Variants in NUP210L observed in about 807,000 individuals in gnomAD.
NUP210L encodes nucleoporin 210 like, also known as nuclear pore membrane glycoprotein 210-like.
In NUP210L, 74 loss-of-function variants were observed where a neutral mutation model predicts 208.5. The observed-to-expected ratio is 0.35, with a 90% CI of 0.29 to 0.43. The LOEUF is 0.43. NUP210L is among the 20% of genes least tolerant of loss of function. The pLI is 1.00. For synonymous variants in NUP210L, 780 were observed against 816.9 expected, an observed-to-expected ratio of 0.95 and a Z score of 0.77; for missense variants, 1,843 against 2,289.4, an observed-to-expected ratio of 0.81 and a Z score of 3.98.
intron 12 of NUP210L, among the ~76,000 whole-genome samples, chr1:154,107,702 C>G (rs1656839261): frequency 6.6e-6 from 1 of 151,890 alleles, no homozygotes; most frequent in Admixed American, 6.6e-5. Context: ...CCTGTCTCTA[C>G]TAAAAATAGA....
intron 15 of NUP210L, 77 bp downstream of exon 15, chr1:154,094,858 T>C: frequency 9.4e-7 from 1 of 1,064,202 alleles, no homozygotes; most frequent in East Asian, 2.5e-5. Flanking sequence ...CAGCAGAATC[T>C]GAAAAGGAAT....
chr1:154,060,563 T>C lies in NUP210L; in HGVS notation c.2827A>G (p.Met943Val), dbSNP rs368673993. The C allele has an allele frequency of 4.3e-6, 7 of 1,612,644 alleles. No homozygotes were observed. The East Asian group carries it at 1.3e-4, about 31-fold the overall frequency. The change falls in exon 20 of 40, where the codon ATG (methionine) becomes GTG (valine). Residue 943 changes from methionine (M) to valine (V), a missense_variant. Met to Val is a conservative substitution (Grantham distance 21). Transcript: ENST00000368559. ...ACCTCAACAGAGCTTTCTGCTTCCA[T>C]GTAAGTGATGGTGACAACACCCTGC...
chr1:154,036,359 T>A (rs1326556762), intron 27 of NUP210L, among the ~76,000 whole-genome samples: 4 of 130,624 alleles, frequency 3.1e-5, no homozygotes, highest in African/African-American at 1.2e-4. Flanking sequence ...TGTGTGTGTG[T>A]GTATAACTTT....
chr1:154,030,471 T>G (rs1339008009), intron 27 of NUP210L, among the ~76,000 whole-genome samples: 2 of 151,890 alleles, frequency 1.3e-5, no homozygotes, highest in Non-Finnish European at 2.9e-5. Context: ...CTAATTTTTG[T>G]CTTTTTTGTA....
chr1:154,057,888 C>T (rs1653953825), intron 22 of NUP210L, among the ~76,000 whole-genome samples: 1 of 152,088 alleles, frequency 6.6e-6, no homozygotes, highest in Admixed American at 6.6e-5. Context: ...GGACTACAGG[C>T]ATGTACCCTC....
At chr1:154,080,528 C>T (rs1340767819) in intron 16 of NUP210L, among the ~76,000 whole-genome samples, 1 of 146,816 alleles carries the variant, frequency 6.8e-6, no homozygotes, top group African/African-American at 2.5e-5. Context: ...CCAAACATAC[C>T]AAAAAATTTC....
rs750843923 is a variant in NUP210L at position 154,104,147 on chromosome 1, G to A, written c.1684C>T (p.Gln562Ter). The A allele has an allele frequency of 1.2e-6, 2 of 1,613,854 alleles. No individual in the cohort carries two copies. The highest frequency in any genetic ancestry group is 1.7e-6 in the Non-Finnish European group (2 of 1,179,908). The change falls in exon 13 of 40, where the codon CAG (glutamine) becomes TAG (stop). Residue 562 changes from glutamine (Q) to a stop codon, truncating the protein, a stop_gained. Coordinates refer to ENST00000368559, the Ensembl canonical transcript of NUP210L. LOFTEE classifies it high-confidence loss of function. ...ATTGCAATGGGTATTTCTATAATCT[G>A]GCCAATCTCCACATCAGCATGAAAT...
intron 27 of NUP210L, among the ~76,000 whole-genome samples, chr1:154,033,891 C>T (rs1652389941): frequency 6.6e-6 from 1 of 151,940 alleles, no homozygotes; most frequent in African/African-American, 2.4e-5. Flanking sequence ...CATGGGATAT[C>T]TTTCCATTTT....
chr1:154,087,872 C>G (rs1269280195), intron 16 of NUP210L, among the ~76,000 whole-genome samples: 1 of 152,108 alleles, frequency 6.6e-6, no homozygotes, highest in African/African-American at 2.4e-5. Context: ...TATGAAACGT[C>G]AGAATAGGCA....
At chr1:154,120,663 A>G (rs1657571443) in intron 10 of NUP210L, among the ~76,000 whole-genome samples, 2 of 151,528 alleles carry the variant, frequency 1.3e-5, no homozygotes, top group South Asian at 4.2e-4. Context: ...GCATTATCCA[A>G]GGTGGCCAGA....
chr1:154,090,727 C>T (rs189341801), intron 15 of NUP210L, among the ~76,000 whole-genome samples: 3 of 152,138 alleles, frequency 2.0e-5, no homozygotes. Context: ...AAGAGAATCA[C>T]TTGAACCCGG....
intron 1 of NUP210L, 31 bp downstream of exon 1, chr1:154,154,811 G>A (rs777726643): frequency 6.4e-7 from 1 of 1,551,328 alleles, no homozygotes; most frequent in South Asian, 1.1e-5. Context: ...GGTAGTGAGG[G>A]TGCATATCCT....
chr1:154,073,378 T>G (rs1654863309), intron 16 of NUP210L, among the ~76,000 whole-genome samples: 1 of 152,036 alleles, frequency 6.6e-6, no homozygotes, highest in African/African-American at 2.4e-5. Context: ...TAAAAAAGAT[T>G]AGTCACATAT....
chr1:154,028,993 G>T (rs191828158), intron 28 of NUP210L, among the ~76,000 whole-genome samples: 1 of 151,474 alleles, frequency 6.6e-6, no homozygotes, highest in South Asian at 2.1e-4. Context: ...TACTCGGGAG[G>T]CTGAGGCAGG....
chr1:153,995,149 C>G, exon 38 of NUP210L: 1 of 1,613,986 alleles, frequency 6.2e-7, no homozygotes, highest in Non-Finnish European at 8.5e-7. Context: ...AGCCAGTGAA[C>G]CGCTTGAGGA....
intron 37 of NUP210L, among the ~76,000 whole-genome samples, chr1:153,997,644 G>A (rs1224304538): frequency 6.8e-6 from 1 of 147,412 alleles, no homozygotes; most frequent in Non-Finnish European, 1.5e-5. Flanking sequence ...TGTATTTTTT[G>A]TAGAGATGGG....
At chr1:154,046,073 G>A (rs1456200597) in exon 27 of NUP210L, 10 of 1,613,776 alleles carry the variant, frequency 6.2e-6, no homozygotes, top group Non-Finnish European at 7.6e-6. Flanking sequence ...TCTTACCTCT[G>A]AATGCCTGGG....
chr1:154,002,820 C>T (rs1030840362), intron 35 of NUP210L, among the ~76,000 whole-genome samples: 6 of 151,844 alleles, frequency 4.0e-5, no homozygotes, highest in Non-Finnish European at 8.8e-5. Context: ...ATAACACAAG[C>T]AGGGCAATTA....
exon 1 of NUP210L, chr1:154,154,897 G>C (rs1318715290): frequency 6.2e-7 from 1 of 1,614,076 alleles, no homozygotes; most frequent in African/African-American, 1.3e-5. Flanking sequence ...CCTGGCTCTC[G>C]GCCGAAGGGT....
Sources: gnomAD v4.1 joint callset for allele counts (sites outside exome capture counted in the v4.1 genomes callset) on GRCh38, gnomAD v4.1.1 for gene constraint, MANE v1.5 for transcripts, NCBI Gene and HGNC (gene_info 2026-07-23, HGNC 2026-07-21) for gene names.